Variants in ZNF713 observed in about 807,000 individuals in gnomAD.
The protein encoded by ZNF713 is zinc finger protein 713.
A neutral mutation model predicts 28.7 loss-of-function variants in ZNF713; 21 were observed. The observed-to-expected ratio is 0.73, with a 90% confidence interval of 0.52 to 1.05. The LOEUF is 1.05. Ranked by LOEUF, ZNF713 falls within the 50% of genes least tolerant of loss-of-function variation. ZNF713 has a pLI of 0.00. For synonymous variants in ZNF713, 167 were observed against 178.0 expected (o/e 0.94, Z 0.49); for missense variants, 458 against 532.4 (o/e 0.86, Z 1.37).
Position 55,906,389 on chromosome 7 carries a change from C to T in ZNF713, c.-456+10C>T, listed in dbSNP as rs1785679770. On this transcript the variant is annotated intron_variant, in intron 2 of 6. Coordinates refer to ENST00000429591, the MANE Select transcript of ZNF713 (RefSeq NM_182633.3). Reference sequence around the variant, plus strand: ...CCATCAGGTGTTTTGGGTAAGTTCTCCTGAATTCAGACCTCCCATTATTTG... The same window carrying T: ...CCATCAGGTGTTTTGGGTAAGTTCTTCTGAATTCAGACCTCCCATTATTTG... The T allele has an allele frequency of 6.6e-6, 1 of 152,170 alleles. No individual in the cohort carries two copies. The highest frequency in any genetic ancestry group is 1.5e-5 in the Non-Finnish European group (1 of 68,064). The allele number at this position is 152,170 out of a possible 1,614,324, so 9.4% of individuals were successfully genotyped here. A position where few individuals can be genotyped will look rare whatever the true frequency, so the allele number is the denominator to read the frequency against.
chr7:55,887,617 C>CGGCGGT lies in ZNF713; in HGVS notation c.-641_-640insTGGCGG. The CGGCGGT allele has an allele frequency of 5.8e-6, 1 of 171,042 alleles. No individual in the cohort carries two copies. Among genetic ancestry groups the CGGCGGT allele is most frequent in the Non-Finnish European group, 1.1e-5 (1 of 88,178 alleles). The allele number at this position is 171,042 out of a possible 1,614,324, so 10.6% of individuals were successfully genotyped here. ...GGGTCCACCGCGGCGGCGGCGGCGG[C>CGGCGGT]GGCGGCGGCGGCGGCGGCGGCGTCA... On this transcript the variant is annotated 5_prime_UTR_variant, in exon 1 of 7. Transcript: ENST00000429591.
intron 2 of ZNF713, among the ~76,000 whole-genome samples, chr7:55,911,121 G>A (rs1032054923): frequency 1.1e-4 from 16 of 152,118 alleles, no homozygotes; most frequent in Admixed American, 4.6e-4. Context: ...TATCTCACAG[G>A]ACCATTTCAC....
At chr7:55,907,362 T>G (rs1450852116) in intron 2 of ZNF713, among the ~76,000 whole-genome samples, 9 of 152,200 alleles carry the variant, frequency 5.9e-5, no homozygotes, top group Non-Finnish European at 1.3e-4. Flanking sequence ...ATTTAAATAT[T>G]AGGCCCTGGA....
intron 6 of ZNF713, among the ~76,000 whole-genome samples, chr7:55,930,487 A>C (rs543352126): frequency 6.6e-6 from 1 of 152,270 alleles, no homozygotes; most frequent in African/African-American, 2.4e-5. Context: ...TTTGTAAATA[A>C]AGTTTTATGG....
intron 2 of ZNF713, among the ~76,000 whole-genome samples, chr7:55,909,196 C>CAAAAAAAA (rs71015121): frequency 3.7e-5 from 2 of 53,360 alleles, no homozygotes; most frequent in Admixed American, 2.2e-4. Context: ...AAGACTCCGT[C>CAAAAAAAA]AAAAAAAAAA....
chr7:55,932,414 A>G (rs907997741), intron 6 of ZNF713, among the ~76,000 whole-genome samples: 1 of 149,688 alleles, frequency 6.7e-6, no homozygotes, highest in Non-Finnish European at 1.5e-5. Flanking sequence ...GGTCCCACCT[A>G]CTCTGGAGGC....
intron 1 of ZNF713, among the ~76,000 whole-genome samples, chr7:55,895,004 A>T (rs1434132951): frequency 3.9e-5 from 6 of 152,204 alleles, no homozygotes; most frequent in Non-Finnish European, 8.8e-5. Flanking sequence ...AGGTGATATT[A>T]TAAGTGATTT....
At position 55,892,350 on chromosome 7, in the gene ZNF713, C is replaced by T. The variant is rs1188878804; in HGVS notation, c.-583+4670C>T. Reference sequence around the variant, plus strand: ...AGATTTGTGTTCGTGCCATACAGAACCAGGGAAGCTCACTCAAGCTTGGTG... The same window carrying T: ...AGATTTGTGTTCGTGCCATACAGAATCAGGGAAGCTCACTCAAGCTTGGTG... On this transcript the variant is annotated intron_variant, in intron 1 of 6. Coordinates refer to ENST00000429591, the MANE Select transcript of ZNF713 (RefSeq NM_182633.3). Among the ~76,000 whole-genome samples the T allele has an allele frequency of 2.7e-5, 4 of 147,584 alleles. No homozygotes were observed. The East Asian group carries it at 7.9e-4, about 29-fold the overall frequency.
intron 1 of ZNF713, among the ~76,000 whole-genome samples, chr7:55,898,786 A>G (rs1406854173): frequency 6.6e-6 from 1 of 152,046 alleles, no homozygotes; most frequent in Non-Finnish European, 1.5e-5. Context: ...TTCACAAAAA[A>G]TTAAATTCAA....
At chr7:55,897,545 C>T (rs1014260768) in intron 1 of ZNF713, among the ~76,000 whole-genome samples, 3 of 151,932 alleles carry the variant, frequency 2.0e-5, no homozygotes, top group Non-Finnish European at 4.4e-5. Flanking sequence ...CCTCCCAAAG[C>T]GTTAGGATTA....
chr7:55,929,481 C>T (rs758610845), intron 6 of ZNF713, among the ~76,000 whole-genome samples: 12 of 152,240 alleles, frequency 7.9e-5, no homozygotes, highest in Non-Finnish European at 1.5e-4. Context: ...TGCACCTCCT[C>T]ATATATGGTA....
chr7:55,938,286 A>T (rs1786394431), intron 6 of ZNF713, among the ~76,000 whole-genome samples: 1 of 151,344 alleles, frequency 6.6e-6, no homozygotes, highest in Non-Finnish European at 1.5e-5. Flanking sequence ...GAATACCTCC[A>T]CTAAGTAAAG....
In ZNF713 at chr7:55,939,438, A is replaced by G. The variant is rs769863906; in HGVS notation, c.764A>G (p.His255Arg). 21 of 1,613,968 alleles carry G rather than the reference A, an allele frequency of 1.3e-5. No homozygotes were observed. Among genetic ancestry groups the G allele is most frequent in the Middle Eastern group, 1.6e-4 (1 of 6,084 alleles). The change falls in exon 7 of 7, where the codon CAT (histidine) becomes CGT (arginine). Residue 255 changes from histidine (H) to arginine (R), a missense_variant. Coordinates refer to ENST00000429591, the MANE Select transcript of ZNF713 (RefSeq NM_182633.3). ...NQHILLTDHI[H>R]TAEKPSECGK... is the part of the protein sequence containing the mutation. The stretch of plus-strand genomic sequence containing the variant: ...CATATTCTTCTTACTGATCATATTC[A>G]TACTGCAGAGAAACCCAGTGAGTGT...
chr7:55,922,789 T>C (rs145615535), intron 4 of ZNF713, among the ~76,000 whole-genome samples: 1 of 152,196 alleles, frequency 6.6e-6, no homozygotes, highest in African/African-American at 2.4e-5. Context: ...TTAACTTTTA[T>C]AGGCACTGGG....
At chr7:55,924,750 C>G (rs934487272) in intron 6 of ZNF713, 1 of 152,242 alleles carries the variant, frequency 6.6e-6, no homozygotes, top group African/African-American at 2.4e-5. Flanking sequence ...TGGCACTCGC[C>G]TGTAGGCCCA....
In ZNF713 at chr7:55,911,713, AG is replaced by A. The variant is rs1011378131; in HGVS notation, c.-356del. On this transcript the variant is annotated 5_prime_UTR_variant, in exon 3 of 7. An upstream open reading frame in the 5' UTR loses its in-frame stop. Transcript: ENST00000429591. The stretch of plus-strand genomic sequence containing the variant: ...ACATGAAGAAATGATGCTTTTAGGG[AG>A]GAAAAAAAAAGGTAATAACAACCTT... 3 of 152,074 alleles carry A rather than the reference AG, an allele frequency of 2.0e-5. No individual in the cohort carries two copies. Among genetic ancestry groups the A allele is most frequent in the African/African-American group, 7.2e-5 (3 of 41,404 alleles). 9.4% of individuals were successfully genotyped at this position (152,074 alleles called of 1,614,324 possible). A position where few individuals can be genotyped will look rare whatever the true frequency, so the allele number is the denominator to read the frequency against.
chr7:55,887,898 G>GTGA (rs1785305804), intron 1 of ZNF713, among the ~76,000 whole-genome samples: 3 of 142,604 alleles, frequency 2.1e-5, no homozygotes, highest in Admixed American at 2.1e-4. Flanking sequence ...GGCGGCGGCG[G>GTGA]CGGCGGGAGG....
intron 1 of ZNF713, among the ~76,000 whole-genome samples, chr7:55,893,855 C>G (rs541356547): frequency 2.6e-5 from 4 of 152,316 alleles, no homozygotes; most frequent in African/African-American, 9.6e-5. Context: ...GCTGGGATTA[C>G]AGGCATGAGC....
Position 55,887,655 on chromosome 7 carries a change from T to C in ZNF713, c.-608T>C, listed in dbSNP as rs370274065. On this transcript the variant is annotated 5_prime_UTR_variant, in exon 1 of 7. Transcript: ENST00000429591. The stretch of plus-strand genomic sequence containing the variant: ...GGCGGCGGCGTCAGGGGGCGGAGCC[T>C]GCCGAAGCGCCCTTTGTCTGCGGAG... 332 of 160,272 alleles carry C rather than the reference T, an allele frequency of 2.1e-3. 6 individuals are homozygous for C. The East Asian group carries it at 0.043, about 21-fold the overall frequency. The allele number at this position is 160,272 out of a possible 1,614,324, so 9.9% of individuals were successfully genotyped here.
Sources: gnomAD v4.1 joint callset for allele counts (sites outside exome capture counted in the v4.1 genomes callset) on GRCh38, gnomAD v4.1.1 for gene constraint, MANE v1.5 for transcripts, NCBI Gene and HGNC (gene_info 2026-07-23, HGNC 2026-07-21) for gene names.